SFTPC: variants seen among roughly 807,000 people sequenced by gnomAD.
SFTPC encodes the protein surfactant protein C.
In SFTPC, 12 loss-of-function variants were observed where a neutral mutation model predicts 19.9. That is an observed-to-expected ratio of 0.60 (90% CI 0.39 to 0.98). The LOEUF (loss-of-function observed/expected upper bound fraction) is 0.98. Ranked by LOEUF, SFTPC falls within the 50% of genes least tolerant of loss-of-function variation. The pLI is 0.00. For missense variants in SFTPC, 219 were observed against 252.2 expected, an observed-to-expected ratio of 0.87 and a Z score of 0.89; for synonymous variants, 123 against 103.3, an observed-to-expected ratio of 1.19 and a Z score of -1.16.
chr8:22,161,730 G>T (rs986985258), upstream of SFTPC: 7 of 1,612,014 alleles, frequency 4.3e-6, no homozygotes, highest in Non-Finnish European at 5.9e-6. Flanking sequence ...CACACAGGGG[G>T]CTTGGTCCTT....
Position 22,163,080 on chromosome 8 carries a change from G to A in SFTPC, c.202G>A (p.Val68Ile). 6.2e-7 allele frequency: 1 copy of A among 1,614,064 alleles called. No homozygotes were observed. Among genetic ancestry groups the A allele is most frequent in the Non-Finnish European group, 8.5e-7 (1 of 1,179,988 alleles). ...LHMSQKHTEM[V>I]LEMSIGAPEA... The stretch of plus-strand genomic sequence containing the variant: ...AGGTGGCTCCATGCCCTTTCCCCAG[G>A]TTCTGGAGATGAGCATTGGGGCGCC... The change falls in exon 3 of 6, where the codon GTT becomes ATT. Residue 68 changes from valine (V) to isoleucine (I), a missense_variant and splice_region_variant. By Grantham distance (29) the Val-to-Ile change is conservative. Coordinates refer to ENST00000679463, the MANE Select transcript of SFTPC (RefSeq NM_001317778.2).
rs1398730617 is a variant in SFTPC, at chr8:22,164,050, C to T, written c.*9C>T. The T allele has an allele frequency of 1.2e-6, 2 of 1,611,708 alleles. No individual in the cohort carries two copies. Among genetic ancestry groups the T allele is most frequent in the Non-Finnish European group, 1.7e-6 (2 of 1,180,016 alleles). Reference sequence around the variant, plus strand: ...CGCTCTACTACATCTAGGACGCCTCCGGTGAGCAGGTGTGATCCCAGGGCC... The same window carrying T: ...CGCTCTACTACATCTAGGACGCCTCTGGTGAGCAGGTGTGATCCCAGGGCC... On this transcript the variant is annotated 3_prime_UTR_variant, in exon 5 of 6. Coordinates refer to ENST00000679463, the MANE Select transcript of SFTPC (RefSeq NM_001317778.2).
upstream of SFTPC, chr8:22,158,725 A>G (rs1179229100): frequency 2.0e-5 from 3 of 152,244 alleles, no homozygotes; most frequent in Non-Finnish European, 2.9e-5. Context: ...GAACATACTA[A>G]TGCCTAACAA....
At chr8:22,161,769 A>T, upstream of SFTPC, 1 of 1,613,834 alleles carries the variant, frequency 6.2e-7, no homozygotes, top group Non-Finnish European at 8.5e-7. Flanking sequence ...CTACGGACAC[A>T]TATAAGACCC....
rs1477845589 is a variant in SFTPC at position 22,164,261 on chromosome 8, C to G, written c.*19-5C>G. 6.5e-7 allele frequency: 1 copy of G among 1,536,060 alleles called. No homozygotes were observed. The highest frequency in any genetic ancestry group is 1.4e-5 in the African/African-American group (1 of 73,066). On this transcript the variant is annotated splice_region_variant and splice_polypyrimidine_tract_variant and intron_variant, in intron 5 of 5. Transcript: ENST00000679463. Reference sequence around the variant, plus strand: ...GTCCATCCTCAACATTCCTTTGCTTCACAGGGTCAGTGGAAGCCCCAACGG... The same window carrying G: ...GTCCATCCTCAACATTCCTTTGCTTGACAGGGTCAGTGGAAGCCCCAACGG...
upstream of SFTPC, chr8:22,159,792 G>A (rs8192314): frequency 1.6e-4 from 209 of 1,289,360 alleles, no homozygotes; most frequent in African/African-American, 2.5e-3. Flanking sequence ...CAGGGACCCC[G>A]AGATGCCTGC....
At chr8:22,162,119 G>A (rs1827757287) in intron 1 of SFTPC, among the ~76,000 whole-genome samples, 1 of 152,100 alleles carries the variant, frequency 6.6e-6, no homozygotes, top group Non-Finnish European at 1.5e-5. Flanking sequence ...TGAGTCAGAA[G>A]CCATGAGAAA....
At chr8:22,161,583 A>T, upstream of SFTPC, 1 of 1,215,596 alleles carries the variant, frequency 8.2e-7, no homozygotes, top group Non-Finnish European at 1.1e-6. Flanking sequence ...CAACTCACCC[A>T]GGTTTGCTCT....
chr8:22,159,785 G>C (rs1441384147), upstream of SFTPC: 1 of 1,289,478 alleles, frequency 7.8e-7, no homozygotes, highest in Non-Finnish European at 1.0e-6. Context: ...ATGCCCACAG[G>C]GACCCCGAGA....
upstream of SFTPC, among the ~76,000 whole-genome samples, chr8:22,158,359 G>A (rs558962941): frequency 3.9e-5 from 6 of 152,176 alleles, no homozygotes; most frequent in Non-Finnish European, 8.8e-5. Context: ...AGGTGGCTGG[G>A]GCAGCTGGGC....
At chr8:22,158,085 C>T (rs1188672970), upstream of SFTPC, among the ~76,000 whole-genome samples, 2 of 152,174 alleles carry the variant, frequency 1.3e-5, no homozygotes, top group Non-Finnish European at 2.9e-5. Flanking sequence ...AGCTCATAGG[C>T]ACGGGGCAAG....
At chr8:22,157,657 C>T (rs996520361), upstream of SFTPC, 3 of 152,180 alleles carry the variant, frequency 2.0e-5, no homozygotes, top group Non-Finnish European at 4.4e-5. Context: ...CCTTGAGAAC[C>T]TTTCAGGAAG....
intron 2 of SFTPC, 132 bp from the exon 3 acceptor site, chr8:22,162,948 G>A (rs1827816397): frequency 6.3e-6 from 9 of 1,421,460 alleles, no homozygotes; most frequent in Admixed American, 1.7e-5. Context: ...CCAGCACCTG[G>A]TTCCACTCAG....
chr8:22,162,544 C>T, intron 1 of SFTPC, 30 bp from the exon 2 acceptor site: 1 of 1,612,134 alleles, frequency 6.2e-7, no homozygotes, highest in East Asian at 2.2e-5. Flanking sequence ...TGACCTCATG[C>T]CTGTCTCCTT....
intron 1 of SFTPC, 70 bp downstream of exon 1, chr8:22,161,940 A>G: frequency 1.4e-6 from 2 of 1,462,020 alleles, no homozygotes; most frequent in Non-Finnish European, 1.9e-6. Flanking sequence ...TGCCTCCTCT[A>G]TCCTCCCTGG....
In SFTPC at chr8:22,164,047, C is replaced by T; in HGVS notation, c.*6C>T. On this transcript the variant is annotated 3_prime_UTR_variant, in exon 5 of 6. Transcript: ENST00000679463. The stretch of plus-strand genomic sequence containing the variant: ...TGCCGCTCTACTACATCTAGGACGC[C>T]TCCGGTGAGCAGGTGTGATCCCAGG... 1 of 1,611,862 alleles carries T rather than the reference C, an allele frequency of 6.2e-7. No individual in the cohort carries two copies. Among genetic ancestry groups the T allele is most frequent in the Non-Finnish European group, 8.5e-7 (1 of 1,180,012 alleles).
At chr8:22,162,841 G>A (rs993084480) in intron 2 of SFTPC, 109 bp downstream of exon 2, 21 of 1,462,670 alleles carry the variant, frequency 1.4e-5, no homozygotes, top group Non-Finnish European at 2.0e-5. Context: ...GAGGAGGCAA[G>A]GGGCACAGCT....
chr8:22,159,665 G>T, upstream of SFTPC: 3 of 672,602 alleles, frequency 4.5e-6, no homozygotes, highest in Non-Finnish European at 7.0e-6. Context: ...AAGAGCAGAG[G>T]CTTTTTCAAA....
In SFTPC at chr8:22,164,182, C is replaced by G; in HGVS notation, c.*19-84C>G. The stretch of plus-strand genomic sequence containing the variant: ...CACTGAAGCGGGGTCATCCAGGCAA[C>G]TCGGGGGAGGGGAAGCTCACAGACC... On this transcript the variant is annotated intron_variant, in intron 5 of 5. Coordinates refer to ENST00000679463, the MANE Select transcript of SFTPC (RefSeq NM_001317778.2). The G allele has an allele frequency of 3.3e-6, 5 of 1,537,778 alleles. No individual in the cohort carries two copies. In the South Asian group the frequency reaches 5.9e-5, roughly 18 times the overall value.
Sources: allele counts gnomAD v4.1 joint callset (sites outside exome capture counted in the v4.1 genomes callset), GRCh38; gene constraint gnomAD v4.1.1; transcripts MANE v1.5; gene names NCBI Gene and HGNC (gene_info 2026-07-23, HGNC 2026-07-21).